The following ADAMTS16 variants were observed in gnomAD, a reference collection of about 807,000 sequenced individuals.
The protein encoded by ADAMTS16 is ADAM metallopeptidase with thrombospondin type 1 motif 16.
ADAMTS16 carries 94 observed loss-of-function variants against 145.8 expected under a neutral mutation model. That is an observed-to-expected ratio of 0.64 (90% CI 0.55 to 0.77). The LOEUF (loss-of-function observed/expected upper bound fraction) is 0.77, where lower values mean the gene tolerates loss of function less well. Ranked by LOEUF, ADAMTS16 falls within the 30% of genes least tolerant of loss-of-function variation. The pLI is 0.00. For missense variants in ADAMTS16, 1,585 were observed against 1,591.5 expected, an observed-to-expected ratio of 1.00 and a Z score of 0.07; for synonymous variants, 659 against 604.3, an observed-to-expected ratio of 1.09 and a Z score of -1.33.
Position 5,191,773 on chromosome 5 carries a change from C to G in ADAMTS16, c.1296C>G (p.Ala432=). 1.2e-6 allele frequency: 2 copies of G among 1,613,120 alleles called. No individual in the cohort carries two copies. The highest frequency in any genetic ancestry group is 1.7e-5 in the Admixed American group (1 of 59,914). ...GTCTTGGACTGGCCTTCACCATTGC[C>G]CATGAGTCTGGACACAAGTAAGTGC... The part of the protein sequence containing the change: ...DTGLGLAFTI[A]HESGHNFGMI... Residue 432 remains alanine (A), a synonymous_variant, in exon 8 of 23, where the codon GCC becomes GCG. Transcript: ENST00000274181.
chr5:5,187,802 T>C lies in ADAMTS16; in HGVS notation c.1041T>C (p.Asp347=). ...TTGTAGGTCTGATTCTTCTAGAAGATGAACAGGTAGTTTATCTTTGAAACT... is the reference window on the plus strand; with the variant it reads ...TTGTAGGTCTGATTCTTCTAGAAGACGAACAGGTAGTTTATCTTTGAAACT... ...IAIVGLILLE[D]EQPGLVISHH... Residue 347 remains aspartate (D), a synonymous_variant, in exon 6 of 23, where the codon GAT becomes GAC. Coordinates refer to ENST00000274181, the MANE Select transcript of ADAMTS16 (RefSeq NM_139056.4). 2 of 1,593,662 alleles carry C rather than the reference T, an allele frequency of 1.3e-6. No homozygotes were observed. The highest frequency in any genetic ancestry group is 1.7e-6 in the Non-Finnish European group (2 of 1,161,646).
chr5:5,205,592 A>G (rs1432183030), intron 9 of ADAMTS16, among the ~76,000 whole-genome samples: 1 of 152,218 alleles, frequency 6.6e-6, no homozygotes, highest in Non-Finnish European at 1.5e-5. Flanking sequence ...CCACATTCTC[A>G]TCAGTGTTTG....
At chr5:5,315,062 T>C (rs562935415) in intron 21 of ADAMTS16, among the ~76,000 whole-genome samples, 1 of 152,326 alleles carries the variant, frequency 6.6e-6, no homozygotes, top group African/African-American at 2.4e-5. Flanking sequence ...TGACTCACAG[T>C]TCCGCAGGAC....
At position 5,303,435 on chromosome 5, in the gene ADAMTS16, G is replaced by A; in HGVS notation, c.2957G>A (p.Cys986Tyr). 6.2e-7 allele frequency: 1 copy of A among 1,611,382 alleles called. No homozygotes were observed. The highest frequency in any genetic ancestry group is 2.2e-5 in the East Asian group (1 of 44,838). The change falls in exon 19 of 23, where the codon TGC (cysteine) becomes TAC (tyrosine). Residue 986 changes from cysteine to tyrosine, a missense_variant. This residue lies in a region of ADAMTS16 where 834 missense variants were observed against 811.7 expected (regional missense o/e 1.03). Transcript: ENST00000274181. ...AGGCAGGCCTGCAACTCTCAGAGCT[G>A]CCCACCTGCATGGAGCGCCGGGCCC... ...SSRQACNSQS[C>Y]PPAWSAGPWA...
chr5:5,200,567 C>T (rs1735927718), intron 9 of ADAMTS16, among the ~76,000 whole-genome samples: 3 of 152,210 alleles, frequency 2.0e-5, no homozygotes. Context: ...ATTCTCACTT[C>T]CATAATTAGG....
chr5:5,309,084 C>T (rs151068241), intron 21 of ADAMTS16, among the ~76,000 whole-genome samples: 233 of 152,192 alleles, frequency 1.5e-3, no homozygotes, highest in African/African-American at 5.2e-3. Flanking sequence ...CACTCACATA[C>T]GCACTCACAC....
chr5:5,252,804 C>A (rs910516093), intron 17 of ADAMTS16, among the ~76,000 whole-genome samples: 2 of 152,158 alleles, frequency 1.3e-5, no homozygotes, highest in African/African-American at 4.8e-5. Context: ...GCAGGAAAGG[C>A]CATGCCATAT....
chr5:5,144,387 T>C (rs1448428747), intron 2 of ADAMTS16, among the ~76,000 whole-genome samples: 1 of 152,234 alleles, frequency 6.6e-6, no homozygotes, highest in African/African-American at 2.4e-5. Flanking sequence ...CTTTGCCTCA[T>C]GTGGTGAAAT....
intron 10 of ADAMTS16, among the ~76,000 whole-genome samples, chr5:5,222,348 G>GATGA (rs1736632060): frequency 6.6e-6 from 1 of 152,014 alleles, no homozygotes; most frequent in South Asian, 2.1e-4. Context: ...TGGATGGATG[G>GATGA]ATGGATGGAC....
intron 11 of ADAMTS16, chr5:5,223,257 C>A (rs1321203404): frequency 5.5e-6 from 1 of 181,702 alleles, no homozygotes; most frequent in Non-Finnish European, 1.2e-5. Flanking sequence ...TGGAGCACAT[C>A]ATTTTCACCT....
chr5:5,246,676 A>G (rs1237721920), intron 17 of ADAMTS16, among the ~76,000 whole-genome samples: 2 of 152,216 alleles, frequency 1.3e-5, no homozygotes, highest in Non-Finnish European at 2.9e-5. Context: ...GTTGCTTTAC[A>G]TGAAAACTAT....
chr5:5,236,860 G>A lies in ADAMTS16; in HGVS notation c.2024-109G>A, dbSNP rs994770332. On this transcript the variant is annotated intron_variant, in intron 13 of 22. Coordinates refer to ENST00000274181, the MANE Select transcript of ADAMTS16 (RefSeq NM_139056.4). ...TGCCATTGTAATGTATTATTGTGTGGGAGTTATTTTATGGGGGAAGAAAGA... is the reference window on the plus strand; with the variant it reads ...TGCCATTGTAATGTATTATTGTGTGAGAGTTATTTTATGGGGGAAGAAAGA... 1.2e-5 allele frequency: 16 copies of A among 1,354,154 alleles called. No homozygotes were observed. In the African/African-American group the frequency reaches 2.2e-4, roughly 18 times the overall value. The allele number at this position is 1,354,154 out of a possible 1,614,324, so 83.9% of individuals were successfully genotyped here.
At chr5:5,284,148 G>T (rs1461574223) in intron 18 of ADAMTS16, among the ~76,000 whole-genome samples, 1 of 151,822 alleles carries the variant, frequency 6.6e-6, no homozygotes, top group Non-Finnish European at 1.5e-5. Context: ...TACTATAGTT[G>T]CCTCTACAAT....
At position 5,307,877 on chromosome 5, in the gene ADAMTS16, C is replaced by T. The variant is rs939163207; in HGVS notation, c.3411+1149C>T. On this transcript the variant is annotated intron_variant, in intron 21 of 22. Coordinates refer to ENST00000274181, the MANE Select transcript of ADAMTS16 (RefSeq NM_139056.4). ...CTTGGGTCCTAGACATGGTCCTGCC[C>T]GGCGCCCTCTGCTCTATATCCCCAC... is the stretch of plus-strand genomic sequence containing the variant. Among the ~76,000 whole-genome samples, 4 of 152,248 alleles carry T rather than the reference C, an allele frequency of 2.6e-5. 1 individual carries two copies. The highest frequency in any genetic ancestry group is 9.6e-5 in the African/African-American group (4 of 41,546).
chr5:5,217,382 A>T (rs1736467238), intron 10 of ADAMTS16, among the ~76,000 whole-genome samples: 1 of 152,242 alleles, frequency 6.6e-6, no homozygotes, highest in Non-Finnish European at 1.5e-5. Context: ...GCTTCTGCAC[A>T]GCAAAAGAAA....
At chr5:5,143,699 A>G (rs937107796) in intron 2 of ADAMTS16, among the ~76,000 whole-genome samples, 41 of 152,240 alleles carry the variant, frequency 2.7e-4, no homozygotes, top group Non-Finnish European at 1.0e-4. Context: ...GTGAAGCACT[A>G]TTCACAATAG....
At position 5,146,307 on chromosome 5, in the gene ADAMTS16, T is replaced by C; in HGVS notation, c.353T>C (p.Leu118Pro). ...FHMDLRTSSS[L>P]VAPGFIVQTL... ...ATGGATCTGAGGACTTCCAGCAGCC[T>C]AGTGGCTCCTGGCTTTATTGTGCAG... The change falls in exon 3 of 23, where the codon CTA becomes CCA. Residue 118 changes from leucine to proline, a missense_variant. Coordinates refer to ENST00000274181, the MANE Select transcript of ADAMTS16 (RefSeq NM_139056.4). The C allele has an allele frequency of 3.1e-6, 5 of 1,614,184 alleles. No homozygotes were observed. The highest frequency in any genetic ancestry group is 4.2e-6 in the Non-Finnish European group (5 of 1,180,022).
rs1250683557 is a variant in ADAMTS16 at position 5,234,719 on chromosome 5, A to T, written c.1851-295A>T. Reference sequence around the variant, plus strand: ...ACCTCGTCTTTACTAAAAATACAAAAATTAGCTGGGTGTGGTGGCGTGTGC... The same window carrying T: ...ACCTCGTCTTTACTAAAAATACAAATATTAGCTGGGTGTGGTGGCGTGTGC... On this transcript the variant is annotated intron_variant, in intron 12 of 22. Coordinates refer to ENST00000274181, the MANE Select transcript of ADAMTS16 (RefSeq NM_139056.4). Among the ~76,000 whole-genome samples the T allele has an allele frequency of 4.0e-5, 6 of 151,792 alleles. No individual in the cohort carries two copies. In the East Asian group the frequency reaches 9.7e-4, roughly 25 times the overall value.
intron 7 of ADAMTS16, among the ~76,000 whole-genome samples, chr5:5,190,513 TG>T: frequency 6.6e-6 from 1 of 152,268 alleles, no homozygotes; most frequent in East Asian, 1.9e-4. Flanking sequence ...TTATATTTCC[TG>T]TTTTTTCCCT....
Sources: gnomAD v4.1 joint callset for allele counts (sites outside exome capture counted in the v4.1 genomes callset) on GRCh38, gnomAD v4.1.1 for gene constraint, gnomAD v4.1.1 regional missense constraint, MANE v1.5 for transcripts, NCBI Gene and HGNC (gene_info 2026-07-23, HGNC 2026-07-21) for gene names.